The following NAV3 variants were observed in gnomAD, a reference collection of about 807,000 sequenced individuals.
NAV3 encodes neuron navigator 3, also known as pore membrane and/or filament interacting like protein 1.
In NAV3, 87 loss-of-function variants were observed where a neutral mutation model predicts 244.7. The ratio of observed to expected loss-of-function variants is 0.36; its 90% CI spans 0.30 to 0.42. The LOEUF is 0.42. Ranked by LOEUF, NAV3 falls within the 20% of genes least tolerant of loss-of-function variation. The probability of loss-of-function intolerance (pLI) is 1.00; values close to 1 mark genes in which losing one functional copy is unlikely to be tolerated. For synonymous variants in NAV3, 1,126 were observed against 1,042.2 expected (o/e 1.08, Z -1.55); for missense variants, 2,663 against 2,893.3 (o/e 0.92, Z 1.83).
intron 8 of NAV3, among the ~76,000 whole-genome samples, chr12:78,010,559 C>G (rs966943394): frequency 6.6e-6 from 1 of 152,006 alleles, no homozygotes; most frequent in Non-Finnish European, 1.5e-5. Flanking sequence ...CTCTTCAGAT[C>G]ATAAAGCTAG....
chr12:77,802,767 A>G (rs1871778018), intron 2 of NAV3, among the ~76,000 whole-genome samples: 1 of 151,984 alleles, frequency 6.6e-6, no homozygotes, highest in South Asian at 2.1e-4. Context: ...GGTTCACACC[A>G]TTCTCCTGCC....
chr12:77,668,891 G>A (rs1873838340), intron 2 of NAV3, among the ~76,000 whole-genome samples: 1 of 152,142 alleles, frequency 6.6e-6, no homozygotes, highest in Non-Finnish European at 1.5e-5. Flanking sequence ...CTTAAGAGGT[G>A]TGAGGCAAAA....
At chr12:77,685,915 C>T (rs1449470943) in intron 2 of NAV3, among the ~76,000 whole-genome samples, 1 of 152,152 alleles carries the variant, frequency 6.6e-6, no homozygotes, top group African/African-American at 2.4e-5. Flanking sequence ...GCATTGAATG[C>T]ATATGCTGTA....
intron 2 of NAV3, among the ~76,000 whole-genome samples, chr12:77,751,460 C>G (rs1868849702): frequency 6.6e-6 from 1 of 152,138 alleles, no homozygotes; most frequent in Non-Finnish European, 1.5e-5. Context: ...GGGGCGGTTA[C>G]CCTCATGCTG....
intron 2 of NAV3, among the ~76,000 whole-genome samples, chr12:77,578,427 G>A (rs1869197691): frequency 6.6e-6 from 1 of 152,068 alleles, no homozygotes; most frequent in South Asian, 2.1e-4. Context: ...CTATCTTCTG[G>A]TTTCTGTCTC....
intron 1 of NAV3, among the ~76,000 whole-genome samples, chr12:77,848,931 A>C (rs1877057966): frequency 6.6e-6 from 1 of 152,184 alleles, no homozygotes; most frequent in African/African-American, 2.4e-5. Context: ...CTTGAAAGAG[A>C]TATGTGCTGT....
chr12:77,628,930 A>G (rs1279913303), intron 2 of NAV3, among the ~76,000 whole-genome samples: 1 of 151,850 alleles, frequency 6.6e-6, no homozygotes, highest in Non-Finnish European at 1.5e-5. Context: ...ATCCAAAATC[A>G]AAATGTATCC....
chr12:78,189,919 T>C (rs192344951), intron 33 of NAV3, 65 bp from the exon 34 acceptor site: 2 of 1,220,656 alleles, frequency 1.6e-6, no homozygotes, highest in East Asian at 4.7e-5. Flanking sequence ...CTGTTTAGCA[T>C]GATATTTTAA....
At chr12:77,827,065 G>GCTACTAAAAATACAAAAATTAGCCA (rs1440346786), upstream of NAV3, among the ~76,000 whole-genome samples, 2 of 151,646 alleles carry the variant, frequency 1.3e-5, no homozygotes, top group African/African-American at 4.8e-5. Flanking sequence ...AAAAGCTGTC[G>GCTACTAAAAATACAAAAATTAGCCA]CTACTAAAAA....
At chr12:77,862,561 A>G (rs2136348426) in intron 1 of NAV3, among the ~76,000 whole-genome samples, 1 of 151,936 alleles carries the variant, frequency 6.6e-6, no homozygotes, top group Non-Finnish European at 1.5e-5. Flanking sequence ...GAATGAAAGG[A>G]GAAAACGTTT....
chr12:77,914,512 G>A (rs925753260), intron 1 of NAV3, among the ~76,000 whole-genome samples: 1 of 152,022 alleles, frequency 6.6e-6, no homozygotes, highest in Non-Finnish European at 1.5e-5. Context: ...CACATTTGAA[G>A]GGCAACATTT....
At chr12:77,940,529 C>A (rs1488746189) in intron 2 of NAV3, 93 bp downstream of exon 2, 3 of 864,644 alleles carry the variant, frequency 3.5e-6, no homozygotes, top group South Asian at 1.7e-5. Flanking sequence ...CTGAACTGGT[C>A]CATGTGTCTC....
intron 7 of NAV3, 142 bp downstream of exon 7, chr12:77,998,618 C>T: frequency 1.3e-6 from 1 of 759,634 alleles, no homozygotes; most frequent in Admixed American, 3.3e-5. Flanking sequence ...TAACTGTCCC[C>T]TCCTGACTGC....
In NAV3 at chr12:77,678,880, T is replaced by C. The variant is rs548684910; in HGVS notation, c.72+106614T>C. Among the ~76,000 whole-genome samples the C allele has an allele frequency of 2.6e-5, 4 of 152,264 alleles. No homozygotes were observed. The East Asian group carries it at 7.7e-4, about 29-fold the overall frequency. On this transcript the variant is annotated intron_variant, in intron 2 of 8. Transcript: ENST00000550042. ...AAAGAGAGGAGAAATTAAGGGAGTG[T>C]GCCCAGTTCCTGAAAGCTTTCTGGC...
intron 3 of NAV3, chr12:77,950,436 C>T (rs1713481475): frequency 6.6e-6 from 1 of 152,088 alleles, no homozygotes; most frequent in Admixed American, 6.6e-5. Context: ...TTTTCATATG[C>T]TTATATGTCT....
intron 1 of NAV3, among the ~76,000 whole-genome samples, chr12:77,882,213 T>G (rs1375128769): frequency 2.0e-5 from 3 of 152,152 alleles, no homozygotes; most frequent in Non-Finnish European, 4.4e-5. Flanking sequence ...AGCATGATAC[T>G]GGTACAATAC....
chr12:77,606,829 C>G (rs1270253092), intron 2 of NAV3, among the ~76,000 whole-genome samples: 3 of 152,086 alleles, frequency 2.0e-5, no homozygotes, highest in Non-Finnish European at 2.9e-5. Flanking sequence ...GCAAGAGAAT[C>G]TATGTCCCAA....
chr12:78,052,343 A>ATATTAATTAT (rs1882879030), intron 11 of NAV3: 1 of 152,192 alleles, frequency 6.6e-6, no homozygotes, highest in East Asian at 1.9e-4. Flanking sequence ...AATTATAGAG[A>ATATTAATTAT]CTAATTATGA....
intron 5 of NAV3, among the ~76,000 whole-genome samples, chr12:77,990,450 C>G (rs969562638): frequency 4.8e-5 from 3 of 61,872 alleles, no homozygotes; most frequent in African/African-American, 1.2e-4. Context: ...TGGTAAGTTT[C>G]AGTTCATTGA....
Sources: gnomAD v4.1 joint callset for allele counts (sites outside exome capture counted in the v4.1 genomes callset) on GRCh38, gnomAD v4.1.1 for gene constraint, MANE v1.5 for transcripts, NCBI Gene and HGNC (gene_info 2026-07-23, HGNC 2026-07-21) for gene names.